The following VWA3B variants were observed in gnomAD, a reference collection of about 807,000 sequenced individuals.
VWA3B encodes von Willebrand factor A domain-containing protein 3B.
Under a neutral mutation model 158.3 loss-of-function variants are expected in VWA3B, and 138 were observed. The ratio of observed to expected loss-of-function variants is 0.87; its 90% confidence interval spans 0.76 to 1.00. VWA3B has a LOEUF of 1.00. Ranked by LOEUF, VWA3B falls within the 50% of genes least tolerant of loss-of-function variation. The pLI, the probability that VWA3B is intolerant of heterozygous loss-of-function variation, is 0.00. For synonymous variants in VWA3B, 596 were observed against 587.3 expected (o/e 1.01, Z -0.21); for missense variants, 1,555 against 1,565.1 (o/e 0.99, Z 0.11).
At chr2:98,126,158 T>C (rs900390101) in intron 5 of VWA3B, among the ~76,000 whole-genome samples, 2 of 152,230 alleles carry the variant, frequency 1.3e-5, no homozygotes, top group Admixed American at 1.3e-4. Context: ...GTGAATAATG[T>C]CATAACCTTA....
intron 26 of VWA3B, among the ~76,000 whole-genome samples, chr2:98,308,890 G>A (rs1027352510): frequency 1.3e-5 from 2 of 152,206 alleles, no homozygotes; most frequent in Non-Finnish European, 2.9e-5. Context: ...GAAGACTCCT[G>A]TCCGGGGGCA....
intron 10 of VWA3B, 38 bp downstream of exon 10, chr2:98,188,167 C>G: frequency 6.3e-7 from 1 of 1,589,320 alleles, no homozygotes; most frequent in Non-Finnish European, 8.6e-7. Flanking sequence ...GTGGTCTCCT[C>G]GCTCTGGACA....
chr2:98,092,972 G>A (rs1255590641), intron 1 of VWA3B, 89 bp from the exon 2 acceptor site: 2 of 850,328 alleles, frequency 2.4e-6, no homozygotes, highest in Admixed American at 5.8e-5. Context: ...CTTCATGGGT[G>A]TACTATAATT....
At chr2:98,090,936 A>G (rs1027256268) in intron 1 of VWA3B, among the ~76,000 whole-genome samples, 11 of 151,718 alleles carry the variant, frequency 7.3e-5, no homozygotes, top group Non-Finnish European at 1.5e-4. Context: ...AAAAAAAAAA[A>G]TTAGTAGAGA....
chr2:98,207,147 C>T, intron 12 of VWA3B: 1 of 543,810 alleles, frequency 1.8e-6, no homozygotes, highest in Non-Finnish European at 3.7e-6. Context: ...ATCAGCCTAC[C>T]CTGGCCACTG....
intron 7 of VWA3B, among the ~76,000 whole-genome samples, chr2:98,142,724 T>TA (rs1338039112): frequency 6.6e-6 from 1 of 152,232 alleles, no homozygotes; most frequent in Non-Finnish European, 1.5e-5. Flanking sequence ...ACCACTGAGA[T>TA]AACTTAATTA....
At chr2:98,318,050 T>C (rs1380982634), downstream of VWA3B, among the ~76,000 whole-genome samples, 2 of 152,176 alleles carry the variant, frequency 1.3e-5, no homozygotes, top group African/African-American at 2.4e-5. Flanking sequence ...AGAATGGCTA[T>C]TATTAAAAGT....
At chr2:98,124,776 C>T (rs1303904254) in intron 5 of VWA3B, among the ~76,000 whole-genome samples, 1 of 152,184 alleles carries the variant, frequency 6.6e-6, no homozygotes, top group Non-Finnish European at 1.5e-5. Flanking sequence ...AGAGGGCAGT[C>T]AGAGTAGAAG....
chr2:98,307,349 C>T, intron 26 of VWA3B, among the ~76,000 whole-genome samples: 1 of 152,138 alleles, frequency 6.6e-6, no homozygotes, highest in East Asian at 1.9e-4. Context: ...ACCTCACATT[C>T]TGTATTTGTT....
At chr2:98,148,995 C>T (rs1347147829) in intron 7 of VWA3B, among the ~76,000 whole-genome samples, 1 of 152,126 alleles carries the variant, frequency 6.6e-6, no homozygotes, top group African/African-American at 2.4e-5. Flanking sequence ...CACATGTGTG[C>T]TTGGTTTCTG....
intron 3 of VWA3B, among the ~76,000 whole-genome samples, chr2:98,118,954 C>T: frequency 6.6e-6 from 1 of 152,148 alleles, no homozygotes; most frequent in Admixed American, 6.5e-5. Context: ...AGCTCAAGGG[C>T]TGCTGGTAGC....
chr2:98,138,783 C>T (rs908304247), intron 7 of VWA3B, among the ~76,000 whole-genome samples: 10 of 152,216 alleles, frequency 6.6e-5, no homozygotes, highest in African/African-American at 2.4e-4. Flanking sequence ...AACCTGGGTA[C>T]GTGGCGGTTG....
rs149309157 is a variant in VWA3B, at chr2:98,129,260, G to T, written c.872+852G>T. Among the ~76,000 whole-genome samples the T allele has an allele frequency of 5.8e-3, 648 of 112,282 alleles. 9 individuals are homozygous for T. The East Asian group carries it at 0.11, about 20-fold the overall frequency. 73.7% of individuals were successfully genotyped at this position (112,282 alleles called of 152,430 possible). A position where few individuals can be genotyped will look rare whatever the true frequency, so the allele number is the denominator to read the frequency against. ...GTGTGTGTGTGTGTGTGTGTGTGTGGAGAGAGAGGGAGGAGAGAGAGGAGA... is the reference window on the plus strand; with the variant it reads ...GTGTGTGTGTGTGTGTGTGTGTGTGTAGAGAGAGGGAGGAGAGAGAGGAGA... On this transcript the variant is annotated intron_variant, in intron 6 of 27. Coordinates refer to ENST00000477737, the MANE Select transcript of VWA3B (RefSeq NM_144992.5).
At chr2:98,286,243 A>G (rs890003456) in intron 22 of VWA3B, among the ~76,000 whole-genome samples, 5 of 152,110 alleles carry the variant, frequency 3.3e-5, no homozygotes, top group East Asian at 1.9e-4. Context: ...ACTTGTTCCA[A>G]TCTGGAGACA....
intron 8 of VWA3B, among the ~76,000 whole-genome samples, chr2:98,165,464 C>T (rs924562845): frequency 3.9e-5 from 6 of 152,074 alleles, no homozygotes; most frequent in African/African-American, 9.7e-5. Flanking sequence ...GAAAGCTCCC[C>T]GGGTGATCCT....
intron 26 of VWA3B, among the ~76,000 whole-genome samples, chr2:98,306,190 C>T (rs1029324390): frequency 2.6e-5 from 4 of 151,426 alleles, no homozygotes; most frequent in Admixed American, 2.6e-4. Flanking sequence ...TGTCCCAGCA[C>T]CCTAGCCCCC....
chr2:98,269,114 C>T (rs1386297656), intron 21 of VWA3B, among the ~76,000 whole-genome samples: 1 of 152,074 alleles, frequency 6.6e-6, no homozygotes, highest in Non-Finnish European at 1.5e-5. Context: ...TCTTTGTGTG[C>T]TTTTCCCTAC....
At chr2:98,211,606 C>T (rs1683511498) in intron 12 of VWA3B, among the ~76,000 whole-genome samples, 1 of 152,186 alleles carries the variant, frequency 6.6e-6, no homozygotes, top group African/African-American at 2.4e-5. Context: ...TGTTTAAGCT[C>T]TGTTGACAGA....
intron 12 of VWA3B, among the ~76,000 whole-genome samples, chr2:98,209,642 C>G (rs1247808556): frequency 6.6e-6 from 1 of 152,082 alleles, no homozygotes; most frequent in Non-Finnish European, 1.5e-5. Context: ...TACTCTTTCC[C>G]CTCTTTTTTC....
Sources: gnomAD v4.1 joint callset for allele counts (sites outside exome capture counted in the v4.1 genomes callset) on GRCh38, gnomAD v4.1.1 for gene constraint, MANE v1.5 for transcripts, NCBI Gene and HGNC (gene_info 2026-07-23, HGNC 2026-07-21) for gene names.